The following CCDC170 variants were observed in gnomAD, a reference collection of about 807,000 sequenced individuals.
CCDC170 encodes coiled-coil domain containing 170.
Under a neutral mutation model 72.6 loss-of-function variants are expected in CCDC170, and 69 were observed. The ratio of observed to expected loss-of-function variants is 0.95; its 90% CI spans 0.78 to 1.16. The LOEUF (loss-of-function observed/expected upper bound fraction) is 1.16. Among genes scored for constraint, CCDC170 ranks in the 50% most tolerant of loss-of-function variants. The probability of loss-of-function intolerance (pLI) is 0.00; values close to 1 mark genes in which losing one functional copy is unlikely to be tolerated. For missense variants in CCDC170, 852 were observed against 832.5 expected (o/e 1.02, Z -0.29); for synonymous variants, 300 against 303.9 (o/e 0.99, Z 0.13).
intron 1 of CCDC170, among the ~76,000 whole-genome samples, chr6:151,509,225 T>C (rs57940060): frequency 0.061 from 7,545 of 122,772 alleles, 299 homozygotes; most frequent in African/African-American, 0.12. Flanking sequence ...TATCTATGTA[T>C]CTATCTATCT....
At position 151,614,204 on chromosome 6, in the gene CCDC170, A is replaced by G. The variant is rs573654171; in HGVS notation, c.1711-1239A>G. On this transcript the variant is annotated intron_variant, in intron 9 of 10. Transcript: ENST00000239374. Reference sequence around the variant, plus strand: ...TTCACAGTGTTGTGCAACCATTATCACTATCCACATCTAGAATTTTTCTAT... The same window carrying G: ...TTCACAGTGTTGTGCAACCATTATCGCTATCCACATCTAGAATTTTTCTAT... Among the ~76,000 whole-genome samples, 33 of 152,208 alleles carry G rather than the reference A, an allele frequency of 2.2e-4. No homozygotes were observed. In the South Asian group the frequency reaches 4.4e-3, roughly 20 times the overall value.
At chr6:151,607,865 G>C (rs976184586) in intron 9 of CCDC170, among the ~76,000 whole-genome samples, 3 of 152,112 alleles carry the variant, frequency 2.0e-5, no homozygotes, top group African/African-American at 7.2e-5. Flanking sequence ...TCCTGTCTCT[G>C]TCTGTCTATA....
intron 6 of CCDC170, among the ~76,000 whole-genome samples, chr6:151,583,664 G>A (rs777947284): frequency 1.3e-5 from 2 of 151,978 alleles, no homozygotes; most frequent in Non-Finnish European, 2.9e-5. Flanking sequence ...CGCCATGTTG[G>A]CCAGGCTGGT....
intron 5 of CCDC170, among the ~76,000 whole-genome samples, chr6:151,553,574 C>T (rs150281898): frequency 2.6e-4 from 40 of 152,074 alleles, no homozygotes; most frequent in Non-Finnish European, 2.9e-4. Flanking sequence ...TAGTAGGAAA[C>T]GAGTAAGGAA....
chr6:151,538,011 G>GT (rs35795489), intron 2 of CCDC170, 34 bp from the exon 3 acceptor site: 115,367 of 1,267,304 alleles, frequency 0.091, 55 homozygotes, highest in South Asian at 0.11. Context: ...TGTTGTTAAG[G>GT]TTTTTTTTTT....
At chr6:151,553,702 T>C (rs1285476295) in intron 5 of CCDC170, among the ~76,000 whole-genome samples, 3 of 152,008 alleles carry the variant, frequency 2.0e-5, no homozygotes, top group Non-Finnish European at 4.4e-5. Flanking sequence ...CACTTTGGGA[T>C]GAAGTTCCTG....
chr6:151,563,162 C>T (rs1322434652), intron 5 of CCDC170, among the ~76,000 whole-genome samples: 1 of 151,880 alleles, frequency 6.6e-6, no homozygotes, highest in Admixed American at 6.5e-5. Context: ...GGTCCCTTCC[C>T]TTCGTAAAAG....
chr6:151,494,194 C>G lies in CCDC170; in HGVS notation c.57+9C>G. 1 of 1,504,508 alleles carries G rather than the reference C, an allele frequency of 6.6e-7. No individual in the cohort carries two copies. Among genetic ancestry groups the G allele is most frequent in the East Asian group, 2.8e-5 (1 of 36,362 alleles). The allele number at this position is 1,504,508 out of a possible 1,614,324, so 93.2% of individuals were successfully genotyped here. The stretch of plus-strand genomic sequence containing the variant: ...CTTCGCCAGCGCCCGAGGTACGGTC[C>G]CAGCCGCCGGCCGCGCGCGGGGGTG... On this transcript the variant is annotated intron_variant, in intron 1 of 10. Coordinates refer to ENST00000239374, the MANE Select transcript of CCDC170 (RefSeq NM_025059.4).
rs1777007691 is a variant in CCDC170, at chr6:151,618,580, C to A, written c.*433C>A. On this transcript the variant is annotated 3_prime_UTR_variant, in exon 11 of 11. Coordinates refer to ENST00000239374, the MANE Select transcript of CCDC170 (RefSeq NM_025059.4). Reference sequence around the variant, plus strand: ...AGGTTGCAGTTGGGTAGTGGTGGGACCAGGATGGACAACTCATTGGCCCTG... The same window carrying A: ...AGGTTGCAGTTGGGTAGTGGTGGGAACAGGATGGACAACTCATTGGCCCTG... 5.7e-6 allele frequency: 1 copy of A among 174,858 alleles called. No individual in the cohort carries two copies. The highest frequency in any genetic ancestry group is 1.2e-5 in the Non-Finnish European group (1 of 80,940). The allele number at this position is 174,858 out of a possible 1,614,324, so 10.8% of individuals were successfully genotyped here. A position where few individuals can be genotyped will look rare whatever the true frequency, so the allele number is the denominator to read the frequency against.
chr6:151,568,962 A>T (rs962030020), intron 5 of CCDC170, among the ~76,000 whole-genome samples: 1 of 152,230 alleles, frequency 6.6e-6, no homozygotes, highest in African/African-American at 2.4e-5. Flanking sequence ...TTCAGGGCCA[A>T]AAGATAAGTG....
At chr6:151,505,789 C>A (rs113469473) in intron 1 of CCDC170, among the ~76,000 whole-genome samples, 4 of 152,140 alleles carry the variant, frequency 2.6e-5, no homozygotes, top group Non-Finnish European at 4.4e-5. Flanking sequence ...TCCAGAAAGC[C>A]TACTTCTTAA....
intron 1 of CCDC170, among the ~76,000 whole-genome samples, chr6:151,522,694 C>T (rs1283304263): frequency 6.6e-6 from 1 of 152,202 alleles, no homozygotes; most frequent in Non-Finnish European, 1.5e-5. Flanking sequence ...TTTAAGGGTG[C>T]ACCCTTCTAC....
chr6:151,521,917 C>A (rs913321139), intron 1 of CCDC170, among the ~76,000 whole-genome samples: 1 of 140,494 alleles, frequency 7.1e-6, no homozygotes, highest in Non-Finnish European at 1.5e-5. Flanking sequence ...ACCCAGGAGG[C>A]GGAGCTTGTA....
Position 151,518,704 on chromosome 6 carries a change from G to A in CCDC170, c.58-17614G>A, listed in dbSNP as rs117278710. 8.7e-3 allele frequency among the ~76,000 whole-genome samples: 1,318 copies of A among 152,262 alleles called. 23 individuals are homozygous for A. Among genetic ancestry groups the A allele is most frequent in the African/African-American group, 0.029 (1,191 of 41,566 alleles). On this transcript the variant is annotated intron_variant, in intron 1 of 10. Transcript: ENST00000239374. The stretch of plus-strand genomic sequence containing the variant: ...TTTCTATTTTCCCTAAGGGTCAGGC[G>A]GCTGAGAAATAAAGAGAAAGAGTAC...
chr6:151,581,908 A>C (rs1562289762), intron 6 of CCDC170, among the ~76,000 whole-genome samples: 1 of 152,228 alleles, frequency 6.6e-6, no homozygotes, highest in Non-Finnish European at 1.5e-5. Context: ...ATAGGTCTCA[A>C]CTGTAGGCTT....
intron 1 of CCDC170, among the ~76,000 whole-genome samples, chr6:151,518,402 T>TA (rs1181906993): frequency 3.3e-5 from 5 of 152,050 alleles, no homozygotes; most frequent in African/African-American, 4.8e-5. Context: ...AAGATGTTAG[T>TA]AAAAAAAGCA....
At position 151,509,015 on chromosome 6, in the gene CCDC170, CAAA is replaced by C. The variant is rs35476180; in HGVS notation, c.57+14846_57+14848del. On this transcript the variant is annotated intron_variant, in intron 1 of 10. Transcript: ENST00000239374. ...GGGCAACAAGAGCGAAACTCCTTCT[CAAA>C]AAAAAAAAAAAAAAATACAAAAATA... Among the ~76,000 whole-genome samples, 1,077 of 126,762 alleles carry C rather than the reference CAAA, an allele frequency of 8.5e-3. 11 individuals are homozygous for C. Among genetic ancestry groups the C allele is most frequent in the African/African-American group, 0.027 (934 of 34,368 alleles). The allele number at this position is 126,762 out of a possible 152,430, so 83.2% of individuals were successfully genotyped here.
chr6:151,528,293 T>C (rs1184972178), intron 1 of CCDC170, among the ~76,000 whole-genome samples: 2 of 152,146 alleles, frequency 1.3e-5, no homozygotes, highest in South Asian at 2.1e-4. Flanking sequence ...GATTGTTTGA[T>C]ACAGGAAAAG....
intron 1 of CCDC170, among the ~76,000 whole-genome samples, chr6:151,522,850 G>A (rs781778629): frequency 3.3e-5 from 5 of 152,250 alleles, no homozygotes; most frequent in East Asian, 1.9e-4. Context: ...TAAGGTGTGC[G>A]CATTTCTCTT....
Sources: allele counts gnomAD v4.1 joint callset (sites outside exome capture counted in the v4.1 genomes callset), GRCh38; gene constraint gnomAD v4.1.1; transcripts MANE v1.5; gene names NCBI Gene and HGNC (gene_info 2026-07-23, HGNC 2026-07-21).